The following SPATA6 variants were observed in gnomAD, a reference collection of about 807,000 sequenced individuals.
SPATA6 encodes the protein spermatogenesis associated 6, also known as spermatogenesis-associated protein 6.
A neutral mutation model predicts 65.3 loss-of-function variants in SPATA6; 56 were observed. The ratio of observed to expected loss-of-function variants is 0.86; its 90% CI spans 0.69 to 1.07. SPATA6 has a LOEUF of 1.07. SPATA6 is among the 50% of genes least tolerant of loss of function. The pLI is 0.00. For missense variants in SPATA6, 590 were observed against 594.8 expected (o/e 0.99, Z 0.08); for synonymous variants, 199 against 213.2 (o/e 0.93, Z 0.58).
intron 11 of SPATA6, among the ~76,000 whole-genome samples, chr1:48,313,570 G>C (rs1008100752): frequency 6.6e-6 from 1 of 152,140 alleles, no homozygotes; most frequent in Non-Finnish European, 1.5e-5. Context: ...GGAACAACTG[G>C]TACCAGCCAC....
intron 6 of SPATA6, among the ~76,000 whole-genome samples, chr1:48,401,975 A>C (rs753205172): frequency 6.6e-6 from 1 of 152,182 alleles, no homozygotes; most frequent in Non-Finnish European, 1.5e-5. Context: ...ATAATGTTAC[A>C]TGCTAGGCAT....
At chr1:48,461,895 G>A (rs1375603467) in intron 1 of SPATA6, among the ~76,000 whole-genome samples, 9 of 152,104 alleles carry the variant, frequency 5.9e-5, no homozygotes, top group Admixed American at 2.0e-4. Flanking sequence ...ACATGCACAC[G>A]TATGTTTATT....
chr1:48,352,903 C>CAAAAA (rs35929341), intron 11 of SPATA6, among the ~76,000 whole-genome samples: 4 of 133,342 alleles, frequency 3.0e-5, no homozygotes, highest in African/African-American at 8.5e-5. Context: ...CTTTTAAATA[C>CAAAAA]AAAAAAAAAA....
At chr1:48,316,748 C>T (rs1039112281) in intron 11 of SPATA6, among the ~76,000 whole-genome samples, 1 of 152,038 alleles carries the variant, frequency 6.6e-6, no homozygotes, top group Non-Finnish European at 1.5e-5. Context: ...AACAGGCAAC[C>T]CACAGAATGG....
intron 11 of SPATA6, among the ~76,000 whole-genome samples, chr1:48,332,721 T>C (rs1374852213): frequency 1.3e-5 from 2 of 152,088 alleles, no homozygotes; most frequent in Non-Finnish European, 2.9e-5. Flanking sequence ...CTTGACGAAA[T>C]GGAGCTAGTA....
At chr1:48,470,543 A>T (rs1658161957) in intron 1 of SPATA6, among the ~76,000 whole-genome samples, 1 of 152,198 alleles carries the variant, frequency 6.6e-6, no homozygotes. Flanking sequence ...GCTTGAAGAT[A>T]AAGGGAGAGT....
intron 11 of SPATA6, among the ~76,000 whole-genome samples, chr1:48,346,128 C>T (rs1345233261): frequency 2.6e-5 from 4 of 152,138 alleles, no homozygotes; most frequent in Admixed American, 1.3e-4. Context: ...AAAGCTTAGC[C>T]GCCACATTCA....
At chr1:48,399,296 T>A in intron 7 of SPATA6, 55 bp downstream of exon 7, 1 of 1,547,786 alleles carries the variant, frequency 6.5e-7, no homozygotes, top group Non-Finnish European at 8.7e-7. Flanking sequence ...AATAACAGTT[T>A]TTTTGGGAAA....
intron 9 of SPATA6, among the ~76,000 whole-genome samples, chr1:48,384,870 T>C (rs1649291467): frequency 6.6e-6 from 1 of 151,188 alleles, no homozygotes. Flanking sequence ...TTTATCACAG[T>C]GAGTAAACAA....
intron 9 of SPATA6, among the ~76,000 whole-genome samples, chr1:48,366,020 T>A (rs973507851): frequency 1.3e-5 from 2 of 152,244 alleles, no homozygotes; most frequent in Non-Finnish European, 2.9e-5. Flanking sequence ...TTGAATTTTA[T>A]CAAAGTCTTT....
intron 11 of SPATA6, among the ~76,000 whole-genome samples, chr1:48,318,486 A>G (rs576861507): frequency 9.8e-5 from 15 of 152,292 alleles, no homozygotes; most frequent in African/African-American, 3.6e-4. Context: ...ATCAATAAAC[A>G]ATCTGAAAAT....
the SPATA6 span, among the ~76,000 whole-genome samples, chr1:48,269,292 G>A: frequency 6.6e-6 from 1 of 152,022 alleles, no homozygotes; most frequent in Non-Finnish European, 1.5e-5. Context: ...ACCATGCATT[G>A]TACTAGGTAC....
chr1:48,373,553 C>T (rs1422061423), intron 9 of SPATA6, among the ~76,000 whole-genome samples: 2 of 152,330 alleles, frequency 1.3e-5, no homozygotes, highest in South Asian at 2.1e-4. Context: ...GTCGCTTCCA[C>T]ATTTCCGGGT....
Position 48,420,386 on chromosome 1 carries a change from C to T in SPATA6, c.239-7235G>A, listed in dbSNP as rs114057106. On this transcript the variant is annotated intron_variant, in intron 3 of 12. Coordinates refer to ENST00000371847, the MANE Select transcript of SPATA6 (RefSeq NM_019073.4). Reference sequence around the variant, plus strand: ...AGCAAATTAGTCAAAGAGAGGATCACGGGAACCCCAACTTCAAGCCAGTCA... The same window carrying T: ...AGCAAATTAGTCAAAGAGAGGATCATGGGAACCCCAACTTCAAGCCAGTCA... 2.0e-3 allele frequency among the ~76,000 whole-genome samples: 298 copies of T among 152,282 alleles called. 2 individuals carry two copies. The highest frequency in any genetic ancestry group is 3.9e-3 in the Non-Finnish European group (262 of 68,026).
At chr1:48,266,089 C>A in the SPATA6 span, among the ~76,000 whole-genome samples, 1 of 152,126 alleles carries the variant, frequency 6.6e-6, no homozygotes, top group African/African-American at 2.4e-5. Context: ...TTCAATGTAG[C>A]AAAGGTGGGT....
At chr1:48,428,607 C>A (rs1293224467) in intron 3 of SPATA6, among the ~76,000 whole-genome samples, 1 of 151,928 alleles carries the variant, frequency 6.6e-6, no homozygotes, top group East Asian at 1.9e-4. Flanking sequence ...TGAACATAAA[C>A]ATATTCATCA....
intron 3 of SPATA6, among the ~76,000 whole-genome samples, chr1:48,417,454 C>T (rs879903169): frequency 6.6e-6 from 1 of 152,042 alleles, no homozygotes; most frequent in Admixed American, 6.6e-5. Flanking sequence ...ATTTGAGAGA[C>T]ATCAACAAAT....
At chr1:48,327,673 C>T (rs1225383023) in intron 11 of SPATA6, among the ~76,000 whole-genome samples, 1 of 152,050 alleles carries the variant, frequency 6.6e-6, no homozygotes, top group Non-Finnish European at 1.5e-5. Context: ...TCCTTTGCAG[C>T]AACACAGATA....
intron 3 of SPATA6, among the ~76,000 whole-genome samples, chr1:48,423,105 ATT>A (rs1653503605): frequency 6.6e-6 from 1 of 152,206 alleles, no homozygotes; most frequent in East Asian, 1.9e-4. Flanking sequence ...ATAAATACCT[ATT>A]ACATGATTTC....
Sources: gnomAD v4.1 joint callset for allele counts (sites outside exome capture counted in the v4.1 genomes callset) on GRCh38, gnomAD v4.1.1 for gene constraint, MANE v1.5 for transcripts, NCBI Gene and HGNC (gene_info 2026-07-23, HGNC 2026-07-21) for gene names.